ELK3: variants seen among roughly 807,000 people sequenced by gnomAD.
ELK3 encodes the protein ETS domain-containing protein Elk-3.
In ELK3, 10 loss-of-function variants were observed where a neutral mutation model predicts 28.9. That is an observed-to-expected ratio of 0.35 (90% CI 0.21 to 0.59). The LOEUF is 0.59. Ranked by LOEUF, ELK3 falls within the 20% of genes least tolerant of loss-of-function variation. The pLI, the probability that ELK3 is intolerant of heterozygous loss-of-function variation, is 0.82. For synonymous variants in ELK3, 272 were observed against 243.5 expected (o/e 1.12, Z -1.09); for missense variants, 463 against 517.3 (o/e 0.90, Z 1.02).
chr12:96,202,679 A>G (rs1050493157), intron 1 of ELK3, among the ~76,000 whole-genome samples: 3 of 151,984 alleles, frequency 2.0e-5, no homozygotes, highest in African/African-American at 7.2e-5. Flanking sequence ...GGCTTGTGCC[A>G]CCACACCTTG....
chr12:96,248,274 T>C (rs1406580481), intron 3 of ELK3, among the ~76,000 whole-genome samples: 1 of 152,132 alleles, frequency 6.6e-6, no homozygotes, highest in Non-Finnish European at 1.5e-5. Context: ...GCAGCACTAC[T>C]CTGAGAAAGC....
intron 1 of ELK3, among the ~76,000 whole-genome samples, chr12:96,209,986 A>G (rs370169073): frequency 6.6e-6 from 1 of 151,880 alleles, no homozygotes; most frequent in Non-Finnish European, 1.5e-5. Flanking sequence ...TTTGGCTGCA[A>G]TGAGGATTTG....
At chr12:96,227,936 A>G (rs939939024) in intron 2 of ELK3, among the ~76,000 whole-genome samples, 5 of 152,186 alleles carry the variant, frequency 3.3e-5, no homozygotes, top group African/African-American at 7.2e-5. Context: ...CAGGGTAGGC[A>G]CAATGAAGCA....
chr12:96,210,614 CA>C (rs1483357415), intron 1 of ELK3, among the ~76,000 whole-genome samples: 2 of 148,604 alleles, frequency 1.3e-5, no homozygotes, highest in African/African-American at 5.0e-5. Flanking sequence ...GTGGGAGGTC[CA>C]GGGGCACCGA....
At position 96,247,860 on chromosome 12, in the gene ELK3, G is replaced by C; in HGVS notation, c.1002+126G>C. On this transcript the variant is annotated intron_variant, in intron 3 of 4. Coordinates refer to ENST00000228741, the MANE Select transcript of ELK3 (RefSeq NM_005230.4). This position sits in a 1 kb window ranked among gnomAD's most constrained non-coding sequence, Gnocchi z 5.5. ...TCCTATGACTCGTACCGAGGTCACT[G>C]TGTAAATGTGAAGGGAAGCTGCTTT... 8.3e-7 allele frequency: 1 copy of C among 1,207,274 alleles called. No homozygotes were observed. 74.8% of individuals were successfully genotyped at this position (1,207,274 alleles called of 1,614,324 possible). A position where few individuals can be genotyped will look rare whatever the true frequency, so the allele number is the denominator to read the frequency against.
At chr12:96,227,648 C>T (rs936360475) in intron 2 of ELK3, among the ~76,000 whole-genome samples, 5 of 152,226 alleles carry the variant, frequency 3.3e-5, no homozygotes, top group African/African-American at 7.2e-5. Flanking sequence ...TGTGCCCATG[C>T]GGTCAGGTTG....
At chr12:96,249,707 G>T in intron 3 of ELK3, among the ~76,000 whole-genome samples, 1 of 152,282 alleles carries the variant, frequency 6.6e-6, no homozygotes, top group Admixed American at 6.5e-5. Flanking sequence ...AGAACAGAGT[G>T]AGGCAGATGC....
intron 2 of ELK3, among the ~76,000 whole-genome samples, chr12:96,227,611 A>G (rs1244813666): frequency 2.7e-5 from 4 of 149,644 alleles, no homozygotes; most frequent in African/African-American, 9.8e-5. Flanking sequence ...CCATGCGGTC[A>G]GAAAGGCCCC....
intron 3 of ELK3, chr12:96,255,332 T>TGTTTTGGAGCC (rs1951939421): frequency 6.6e-6 from 1 of 151,184 alleles, no homozygotes; most frequent in Non-Finnish European, 1.5e-5. Flanking sequence ...GAGCGGAGAG[T>TGTTTTGGAGCC]GTTTTGGAGC....
intron 2 of ELK3, among the ~76,000 whole-genome samples, chr12:96,224,238 A>T (rs1367861322): frequency 6.6e-6 from 1 of 152,240 alleles, no homozygotes; most frequent in African/African-American, 2.4e-5. Flanking sequence ...AGGAATCAGC[A>T]TAGGAATAAT....
In ELK3 at chr12:96,247,614, C is replaced by T. The variant is rs1951868657; in HGVS notation, c.882C>T (p.Pro294=). 1 of 1,613,834 alleles carries T rather than the reference C, an allele frequency of 6.2e-7. No individual in the cohort carries two copies. ...CTCTTCCCCCAAAGGCCAAAAAACC[C>T]AAAGGCTTGGAAATCTCAGCGCCCC... is the stretch of plus-strand genomic sequence containing the variant. The part of the protein sequence containing the change: ...SPSLPPKAKK[P]KGLEISAPPL... Residue 294 remains proline, a synonymous_variant, in exon 3 of 5, where the codon CCC becomes CCT. Coordinates refer to ENST00000228741, the MANE Select transcript of ELK3 (RefSeq NM_005230.4). This position sits in a 1 kb window ranked among gnomAD's most constrained non-coding sequence, Gnocchi z 5.5.
rs745990061 is a variant in ELK3 at position 96,223,669 on chromosome 12, C to G, written c.103C>G (p.Leu35Val). ...CWTSNDGEFK[L>V]LKAEEVAKLW... ...GACCTCGAACGATGGTGAATTCAAG[C>G]TCCTCAAAGCAGAAGAAGTGGCCAA... is the stretch of plus-strand genomic sequence containing the variant. The change falls in exon 2 of 5, where the codon CTC (leucine) becomes GTC (valine). Residue 35 changes from leucine to valine, a missense_variant. Physicochemically the swap from Leu to Val is conservative, Grantham distance 32. Transcript: ENST00000228741. 6.2e-7 allele frequency: 1 copy of G among 1,614,124 alleles called. No individual in the cohort carries two copies. Among genetic ancestry groups the G allele is most frequent in the Non-Finnish European group, 8.5e-7 (1 of 1,180,032 alleles).
chr12:96,255,163 A>G (rs1390885523), intron 3 of ELK3, among the ~76,000 whole-genome samples: 1 of 151,880 alleles, frequency 6.6e-6, no homozygotes, highest in African/African-American at 2.4e-5. Flanking sequence ...GGAGTTGGTG[A>G]CTGACTGGGT....
chr12:96,236,877 G>A (rs988066285), intron 2 of ELK3, among the ~76,000 whole-genome samples: 1 of 152,166 alleles, frequency 6.6e-6, no homozygotes, highest in Non-Finnish European at 1.5e-5. Context: ...GTATCTGCAG[G>A]GCCCCGCTCC....
At chr12:96,214,482 C>T (rs1951597012) in intron 1 of ELK3, among the ~76,000 whole-genome samples, 1 of 151,760 alleles carries the variant, frequency 6.6e-6, no homozygotes, top group South Asian at 2.1e-4. Flanking sequence ...AAAACCATTG[C>T]AGACTGTAAA....
chr12:96,220,431 A>G (rs1038648965), intron 1 of ELK3, among the ~76,000 whole-genome samples: 1 of 127,070 alleles, frequency 7.9e-6, no homozygotes, highest in Non-Finnish European at 1.5e-5. Context: ...CTTGTTGTCC[A>G]GGCTGGAGTG....
chr12:96,213,024 G>A (rs1358407412), intron 1 of ELK3, among the ~76,000 whole-genome samples: 2 of 152,172 alleles, frequency 1.3e-5, no homozygotes, highest in African/African-American at 4.8e-5. Flanking sequence ...TGTTTGTCAG[G>A]GGCTGTGTTG....
chr12:96,195,686 G>C (rs1338116393), intron 1 of ELK3, among the ~76,000 whole-genome samples: 1 of 152,158 alleles, frequency 6.6e-6, no homozygotes, highest in African/African-American at 2.4e-5. Context: ...TGTCGGGAGA[G>C]TTTCTGGCTT....
At chr12:96,209,043 T>C (rs1296575848) in intron 1 of ELK3, among the ~76,000 whole-genome samples, 1 of 152,180 alleles carries the variant, frequency 6.6e-6, no homozygotes, top group Admixed American at 6.5e-5. Context: ...TGACCCCACC[T>C]GGGACCCCTT....
Sources: allele counts gnomAD v4.1 joint callset (sites outside exome capture counted in the v4.1 genomes callset), GRCh38; gene constraint gnomAD v4.1.1; non-coding constraint Gnocchi (gnomAD v3.1); transcripts MANE v1.5; gene names NCBI Gene and HGNC (gene_info 2026-07-23, HGNC 2026-07-21).